PCDH15: variants seen among roughly 807,000 people sequenced by gnomAD.
PCDH15 encodes protocadherin-15.
A neutral mutation model predicts 178.5 loss-of-function variants in PCDH15; 129 were observed. The observed-to-expected ratio is 0.72, with a 90% confidence interval of 0.63 to 0.84. The LOEUF is 0.84. Among genes scored for constraint, PCDH15 ranks in the 40% least tolerant of loss-of-function variants. The pLI, the probability that PCDH15 is intolerant of heterozygous loss-of-function variation, is 0.00. For missense variants in PCDH15, 2,230 were observed against 2,099.9 expected (o/e 1.06, Z -1.21); for synonymous variants, 800 against 732.0 (o/e 1.09, Z -1.50).
intron 18 of PCDH15, among the ~76,000 whole-genome samples, chr10:54,028,091 GA>G (rs1007239484): frequency 1.0e-3 from 154 of 150,720 alleles, no homozygotes; most frequent in African/African-American, 3.3e-3. Context: ...AAATTTACAA[GA>G]AAAAAACAAA....
intron 2 of PCDH15, among the ~76,000 whole-genome samples, chr10:54,906,648 C>T (rs1035675810): frequency 6.6e-6 from 1 of 152,020 alleles, no homozygotes; most frequent in East Asian, 1.9e-4. Flanking sequence ...TGTCAGTTTG[C>T]TTGAGAAATA....
At chr10:54,888,522 G>A (rs1366169863) in intron 3 of PCDH15, among the ~76,000 whole-genome samples, 1 of 151,778 alleles carries the variant, frequency 6.6e-6, no homozygotes, top group Middle Eastern at 3.2e-3. Flanking sequence ...GTAAATCTTT[G>A]CATACACATA....
At chr10:55,558,971 G>A (rs1005883863) in intron 2 of PCDH15, among the ~76,000 whole-genome samples, 2 of 151,986 alleles carry the variant, frequency 1.3e-5, no homozygotes, top group Non-Finnish European at 2.9e-5. Flanking sequence ...TCCCCACACA[G>A]GTAAATAAAT....
chr10:53,880,788 T>C (rs1021691692), intron 26 of PCDH15, among the ~76,000 whole-genome samples: 1 of 152,098 alleles, frequency 6.6e-6, no homozygotes, highest in African/African-American at 2.4e-5. Context: ...ATGACACTAA[T>C]TGTAAAGAAG....
At chr10:54,624,026 ATTAAAAAATCTT>A (rs1236446931) in intron 2 of PCDH15, among the ~76,000 whole-genome samples, 4 of 152,208 alleles carry the variant, frequency 2.6e-5, no homozygotes, top group African/African-American at 9.6e-5. Context: ...TGTTTGATAC[ATTAAAAAATCTT>A]TTCAAAAACC....
intron 1 of PCDH15, among the ~76,000 whole-genome samples, chr10:55,284,365 A>T (rs1444904815): frequency 1.3e-5 from 2 of 152,086 alleles, no homozygotes; most frequent in Admixed American, 1.3e-4. Flanking sequence ...ATAAAGGTGA[A>T]TTTCACAATG....
At chr10:54,566,624 G>C (rs980253760) in intron 2 of PCDH15, among the ~76,000 whole-genome samples, 2 of 151,980 alleles carry the variant, frequency 1.3e-5, no homozygotes, top group African/African-American at 4.8e-5. Context: ...TTTTCCATTT[G>C]GTATTTTGAA....
intron 2 of PCDH15, among the ~76,000 whole-genome samples, chr10:55,068,354 G>A (rs537352098): frequency 5.8e-4 from 88 of 152,026 alleles, no homozygotes; most frequent in Non-Finnish European, 1.1e-3. Context: ...TCATTAAAGA[G>A]ACTGTCCTTT....
intron 2 of PCDH15, among the ~76,000 whole-genome samples, chr10:55,490,747 G>T (rs1840392870): frequency 6.6e-6 from 1 of 151,718 alleles, no homozygotes; most frequent in Non-Finnish European, 1.5e-5. Context: ...TGACAGCTGA[G>T]AAATTACCAC....
intron 2 of PCDH15, among the ~76,000 whole-genome samples, chr10:54,951,674 C>T (rs1307310854): frequency 2.0e-5 from 3 of 151,814 alleles, no homozygotes; most frequent in South Asian, 2.1e-4. Context: ...TTTGCATTCT[C>T]ATCGGGAAAG....
intron 32 of PCDH15, among the ~76,000 whole-genome samples, chr10:53,824,693 G>A (rs935200257): frequency 4.6e-5 from 7 of 152,060 alleles, no homozygotes; most frequent in African/African-American, 1.7e-4. Context: ...ACGAACAACT[G>A]GGATTGATAT....
rs11003948 is a variant in PCDH15 at position 53,961,463 on chromosome 10, T to C, written c.3009+289A>G. Among the ~76,000 whole-genome samples the C allele has an allele frequency of 0.015, 2,316 of 152,152 alleles. 52 individuals carry two copies. The highest frequency in any genetic ancestry group is 0.05 in the African/African-American group (2,087 of 41,550). The stretch of plus-strand genomic sequence containing the variant: ...CATATTGAATTTAAAAACCAGTATG[T>C]ATAAGACTATGTGATTTGAAAACAT... On this transcript the variant is annotated intron_variant, in intron 22 of 37. Transcript: ENST00000644397.
chr10:54,355,499 T>C (rs190244637), intron 5 of PCDH15, among the ~76,000 whole-genome samples: 45 of 152,132 alleles, frequency 3.0e-4, no homozygotes, highest in African/African-American at 1.1e-3. Context: ...AATATGTTAT[T>C]TGAGAAATGT....
At chr10:54,717,633 A>G (rs1339277280) in intron 1 of PCDH15, among the ~76,000 whole-genome samples, 1 of 131,442 alleles carries the variant, frequency 7.6e-6, no homozygotes, top group Non-Finnish European at 1.6e-5. Context: ...GAGGATGTGG[A>G]GAAATAGGAA....
chr10:55,258,587 A>G (rs1842067074), intron 1 of PCDH15, among the ~76,000 whole-genome samples: 1 of 152,100 alleles, frequency 6.6e-6, no homozygotes, highest in Non-Finnish European at 1.5e-5. Context: ...GTTGCTGCAG[A>G]CCCATATGGA....
At chr10:55,282,895 A>G (rs920991408) in intron 1 of PCDH15, among the ~76,000 whole-genome samples, 4 of 152,154 alleles carry the variant, frequency 2.6e-5, no homozygotes, top group African/African-American at 9.7e-5. Flanking sequence ...CTAATCTCCA[A>G]GCTGTTCTTG....
intron 16 of PCDH15, among the ~76,000 whole-genome samples, chr10:54,084,174 T>C (rs12247485): frequency 0.027 from 4,045 of 151,440 alleles, 177 homozygotes; most frequent in African/African-American, 0.089. Context: ...CAACCTCCAC[T>C]TCCCAGGTTC....
At chr10:55,490,328 A>G (rs1565191093) in intron 2 of PCDH15, among the ~76,000 whole-genome samples, 1 of 151,798 alleles carries the variant, frequency 6.6e-6, no homozygotes, top group African/African-American at 2.4e-5. Context: ...ACAGAGTTCC[A>G]CAAAGAGCTT....
In PCDH15 at chr10:54,183,604, A is replaced by C. The variant is rs747177993; in HGVS notation, c.1441-11T>G. The C allele has an allele frequency of 3.7e-6, 6 of 1,613,538 alleles. No individual in the cohort carries two copies. The South Asian group carries it at 6.6e-5, about 18-fold the overall frequency. On this transcript the variant is annotated splice_polypyrimidine_tract_variant and intron_variant, in intron 12 of 37. Transcript: ENST00000644397. ...ATCAAATGCTGTTATCTTTGGGAGGAGAAAAATACACTTAGTAGAGATGTT... is the reference window on the plus strand; with the variant it reads ...ATCAAATGCTGTTATCTTTGGGAGGCGAAAAATACACTTAGTAGAGATGTT...
Sources: gnomAD v4.1 joint callset for allele counts (sites outside exome capture counted in the v4.1 genomes callset) on GRCh38, gnomAD v4.1.1 for gene constraint, MANE v1.5 for transcripts, NCBI Gene and HGNC (gene_info 2026-07-23, HGNC 2026-07-21) for gene names.